The following SVOP variants were observed in gnomAD, a reference collection of about 807,000 sequenced individuals.
The protein encoded by SVOP is synaptic vesicle 2-related protein.
SVOP carries 17 observed loss-of-function variants against 69.1 expected under a neutral mutation model. The observed-to-expected ratio is 0.25, with a 90% CI of 0.17 to 0.37. The LOEUF is 0.37. SVOP is among the 10% of genes least tolerant of loss of function. The probability of loss-of-function intolerance (pLI) is 1.00; values close to 1 mark genes in which losing one functional copy is unlikely to be tolerated. For synonymous variants in SVOP, 238 were observed against 238.6 expected, an observed-to-expected ratio of 1.00 and a Z score of 0.02; for missense variants, 435 against 597.5, an observed-to-expected ratio of 0.73 and a Z score of 2.84.
Position 108,972,396 on chromosome 12 carries a change from T to C in SVOP, c.453+9A>G. ...AGGACATGCGTTTAGAAGAGTAAGTTTGCCTTACTGTTTTCCTGCCGTACT... is the reference window on the plus strand; with the variant it reads ...AGGACATGCGTTTAGAAGAGTAAGTCTGCCTTACTGTTTTCCTGCCGTACT... On this transcript the variant is annotated intron_variant, in intron 5 of 15. Coordinates refer to ENST00000610966, the MANE Select transcript of SVOP (RefSeq NM_018711.5). 1.3e-6 allele frequency: 2 copies of C among 1,536,962 alleles called. No homozygotes were observed. The highest frequency in any genetic ancestry group is 1.7e-6 in the Non-Finnish European group (2 of 1,146,700).
At chr12:108,924,725 A>T (rs894085310) in intron 11 of SVOP, among the ~76,000 whole-genome samples, 33 of 152,352 alleles carry the variant, frequency 2.2e-4, no homozygotes, top group Admixed American at 1.2e-3. Context: ...AATACCTTAA[A>T]ATAATAGCCA....
intron 11 of SVOP, among the ~76,000 whole-genome samples, chr12:108,932,046 G>A (rs1003002015): frequency 6.6e-6 from 1 of 151,726 alleles, no homozygotes; most frequent in African/African-American, 2.4e-5. Flanking sequence ...ACAGAGTCTC[G>A]CTCTCACCCA....
At chr12:108,965,060 T>C (rs1463372935) in intron 5 of SVOP, among the ~76,000 whole-genome samples, 2 of 152,340 alleles carry the variant, frequency 1.3e-5, no homozygotes, top group African/African-American at 2.4e-5. Context: ...CATTCATGCA[T>C]AAAATATGCA....
rs910019909 is a variant in SVOP, at chr12:108,991,401, A to T, written c.36-7640T>A. ...GATTGCTTGAGACCAGGAGTTTGAG[A>T]CCAGGCTGGGCAACACAGCAAGACC... On this transcript the variant is annotated intron_variant, in intron 1 of 15. Coordinates refer to ENST00000610966, the MANE Select transcript of SVOP (RefSeq NM_018711.5). Among the ~76,000 whole-genome samples, 6 of 151,806 alleles carry T rather than the reference A, an allele frequency of 4.0e-5. 1 individual carries two copies. The highest frequency in any genetic ancestry group is 1.2e-4 in the African/African-American group (5 of 41,328).
At chr12:108,979,654 C>T (rs1000446387) in intron 2 of SVOP, among the ~76,000 whole-genome samples, 3 of 152,114 alleles carry the variant, frequency 2.0e-5, no homozygotes, top group African/African-American at 7.2e-5. Context: ...GAGGAGCTGT[C>T]TTTGTGATAA....
chr12:108,956,194 C>T (rs145160274), intron 6 of SVOP, among the ~76,000 whole-genome samples: 6,854 of 150,996 alleles, frequency 0.045, 567 homozygotes, highest in African/African-American at 0.16. Context: ...CCCAGCTACT[C>T]GGGAGGCTGA....
chr12:108,932,303 C>T (rs184570598), intron 11 of SVOP, among the ~76,000 whole-genome samples: 129 of 152,226 alleles, frequency 8.5e-4, no homozygotes, highest in African/African-American at 2.7e-3. Flanking sequence ...GGGTGTGAGA[C>T]ACCATACCCA....
intron 11 of SVOP, among the ~76,000 whole-genome samples, chr12:108,928,334 C>T (rs933655213): frequency 1.6e-4 from 25 of 152,152 alleles, no homozygotes; most frequent in African/African-American, 4.6e-4. Context: ...ATCAGTCTAG[C>T]GAAAATGCAC....
chr12:108,963,243 C>T (rs2040026887), intron 5 of SVOP, among the ~76,000 whole-genome samples: 1 of 152,064 alleles, frequency 6.6e-6, no homozygotes, highest in South Asian at 2.1e-4. Flanking sequence ...AAGTATGAAA[C>T]ATACTGATTT....
chr12:109,017,311 T>G (rs2040372542), intron 1 of SVOP, among the ~76,000 whole-genome samples: 1 of 152,076 alleles, frequency 6.6e-6, no homozygotes, highest in Admixed American at 6.5e-5. Context: ...TGCCTGAAGA[T>G]CTGAGGTGGA....
chr12:108,962,526 C>T (rs532720496), intron 5 of SVOP, among the ~76,000 whole-genome samples: 1 of 152,282 alleles, frequency 6.6e-6, no homozygotes, highest in South Asian at 2.1e-4. Context: ...GTTGCCCACG[C>T]TGATCTTGAA....
intron 7 of SVOP, among the ~76,000 whole-genome samples, chr12:108,943,474 C>G (rs2137408674): frequency 6.6e-6 from 1 of 151,986 alleles, no homozygotes; most frequent in African/African-American, 2.4e-5. Flanking sequence ...TGGTGGGCAC[C>G]TGTAATCCCA....
intron 15 of SVOP, 138 bp downstream of exon 15, chr12:108,915,645 C>T (rs1189240272): frequency 2.0e-5 from 16 of 816,116 alleles, no homozygotes; most frequent in Non-Finnish European, 2.9e-5. Context: ...AATATTTCTT[C>T]TGTCCTCGGG....
intron 1 of SVOP, among the ~76,000 whole-genome samples, chr12:109,018,007 T>C (rs1042595913): frequency 1.3e-5 from 2 of 152,310 alleles, no homozygotes; most frequent in Middle Eastern, 3.4e-3. Context: ...AGCTCTAGAT[T>C]GCGAGGTGCT....
intron 14 of SVOP, among the ~76,000 whole-genome samples, chr12:108,917,102 G>T (rs1029026145): frequency 1.3e-5 from 2 of 152,184 alleles, no homozygotes; most frequent in African/African-American, 2.4e-5. Context: ...CACTCTGGGG[G>T]TTCCCTGTTA....
chr12:108,915,932 C>A, intron 14 of SVOP, 60 bp from the exon 15 acceptor site: 1 of 1,466,942 alleles, frequency 6.8e-7, no homozygotes, highest in South Asian at 1.4e-5. Context: ...ACCACTCCAG[C>A]TCCAAGCTGA....
intron 6 of SVOP, among the ~76,000 whole-genome samples, chr12:108,952,476 TCCA>T (rs918992442): frequency 1.3e-5 from 2 of 152,054 alleles, no homozygotes; most frequent in African/African-American, 4.8e-5. Flanking sequence ...CCTCAAGTGA[TCCA>T]CCTGCCTCAG....
chr12:108,908,408 T>C lies in SVOP; in HGVS notation c.*4127A>G, dbSNP rs1220022336. 6.6e-6 allele frequency: 1 copy of C among 152,276 alleles called. No homozygotes were observed. Among genetic ancestry groups the C allele is most frequent in the Non-Finnish European group, 1.5e-5 (1 of 68,046 alleles). The allele number at this position is 152,276 out of a possible 1,614,324, so 9.4% of individuals were successfully genotyped here. On this transcript the variant is annotated 3_prime_UTR_variant, in exon 16 of 16. Coordinates refer to ENST00000610966, the MANE Select transcript of SVOP (RefSeq NM_018711.5). Reference sequence around the variant, plus strand: ...ATTGAGCTCACACATCATTTGAACATTTTTGATCCAATATACTAATATTTG... The same window carrying C: ...ATTGAGCTCACACATCATTTGAACACTTTTGATCCAATATACTAATATTTG...
intron 1 of SVOP, among the ~76,000 whole-genome samples, chr12:109,008,769 C>T (rs1566068455): frequency 6.6e-6 from 1 of 151,932 alleles, no homozygotes; most frequent in Non-Finnish European, 1.5e-5. Context: ...CCAAGATCAC[C>T]TACCAAGTTA....
Sources: gnomAD v4.1 joint callset for allele counts (sites outside exome capture counted in the v4.1 genomes callset) on GRCh38, gnomAD v4.1.1 for gene constraint, MANE v1.5 for transcripts, NCBI Gene and HGNC (gene_info 2026-07-23, HGNC 2026-07-21) for gene names.